Variants in CCDC102B observed in about 807,000 individuals in gnomAD.
The protein encoded by CCDC102B is coiled-coil domain-containing protein 102B.
A neutral mutation model predicts 57.4 loss-of-function variants in CCDC102B; 75 were observed. The observed-to-expected ratio is 1.31, with a 90% confidence interval of 1.08 to 1.58. CCDC102B has a LOEUF of 1.58. Ranked by LOEUF, CCDC102B falls within the 40% of genes most tolerant of loss-of-function variation. The pLI, the probability that CCDC102B is intolerant of heterozygous loss-of-function variation, is 0.00. For missense variants in CCDC102B, 636 were observed against 582.6 expected, an observed-to-expected ratio of 1.09 and a Z score of -0.94; for synonymous variants, 206 against 201.9, an observed-to-expected ratio of 1.02 and a Z score of -0.17.
chr18:68,886,326 T>A (rs2039882423), intron 5 of CCDC102B, among the ~76,000 whole-genome samples: 1 of 151,956 alleles, frequency 6.6e-6, no homozygotes, highest in Admixed American at 6.6e-5. Flanking sequence ...CACATTAAAA[T>A]AAGGGTGATG....
At chr18:68,854,091 G>GT (rs10604645) in intron 4 of CCDC102B, among the ~76,000 whole-genome samples, 17 of 148,940 alleles carry the variant, frequency 1.1e-4, no homozygotes, top group African/African-American at 4.0e-4. Context: ...ACTTTTTCTT[G>GT]TTTTTTTTTT....
chr18:68,752,714 A>G (rs983331490), intron 2 of CCDC102B, among the ~76,000 whole-genome samples: 3 of 152,282 alleles, frequency 2.0e-5, no homozygotes, highest in Admixed American at 6.5e-5. Context: ...CAGTATTCCA[A>G]ATTATGTGTA....
At chr18:68,837,441 G>A (rs1191186122) in intron 2 of CCDC102B, 72 bp downstream of exon 2, 2 of 1,427,218 alleles carry the variant, frequency 1.4e-6, no homozygotes, top group Non-Finnish European at 1.9e-6. Context: ...AGAAGGAAGT[G>A]ACAAATGCAA....
In CCDC102B at chr18:68,892,157, C is replaced by T. The variant is rs560742240; in HGVS notation, c.1054-5062C>T. On this transcript the variant is annotated intron_variant, in intron 5 of 7. Coordinates refer to ENST00000360242, the MANE Select transcript of CCDC102B (RefSeq NM_024781.3). ...CCCTTAATATCAACTTCTTGCTTTC[C>T]TCCTGTCCCTTTCCAGGAAGTTTCT... 2.0e-5 allele frequency among the ~76,000 whole-genome samples: 3 copies of T among 152,234 alleles called. No individual in the cohort carries two copies. In the East Asian group the frequency reaches 5.8e-4, roughly 29 times the overall value.
In CCDC102B at chr18:68,850,634, G is replaced by A. The variant is rs180693985; in HGVS notation, c.936+4213G>A. 1.9e-4 allele frequency among the ~76,000 whole-genome samples: 29 copies of A among 152,056 alleles called. No individual in the cohort carries two copies. In the East Asian group the frequency reaches 4.6e-3, roughly 24 times the overall value. On this transcript the variant is annotated intron_variant, in intron 4 of 7. Transcript: ENST00000360242. ...AGGGATGGATGTTTTGAGTGGAGAA[G>A]GTTTTCTCCTTGTACCATTCATCAT...
intron 6 of CCDC102B, among the ~76,000 whole-genome samples, chr18:68,989,975 G>A (rs1488350833): frequency 1.3e-5 from 2 of 152,118 alleles, no homozygotes; most frequent in Non-Finnish European, 2.9e-5. Context: ...TTTTGTTGTT[G>A]TAGTTTTTAA....
intron 4 of CCDC102B, among the ~76,000 whole-genome samples, chr18:68,864,240 C>T (rs2038880553): frequency 6.6e-6 from 1 of 151,996 alleles, no homozygotes; most frequent in South Asian, 2.1e-4. Context: ...ATTTGCTCTT[C>T]TGTTCCTTCT....
At chr18:68,765,038 C>A (rs1417856569) in intron 2 of CCDC102B, among the ~76,000 whole-genome samples, 2 of 49,680 alleles carry the variant, frequency 4.0e-5, no homozygotes, top group African/African-American at 7.3e-5. Context: ...CAGAGTGAAA[C>A]CCTCTCTTAA....
At chr18:68,927,223 T>G (rs2041502819) in intron 6 of CCDC102B, among the ~76,000 whole-genome samples, 1 of 151,994 alleles carries the variant, frequency 6.6e-6, no homozygotes, top group Non-Finnish European at 1.5e-5. Context: ...TCCAGAATTT[T>G]TTAAATTAAA....
rs750778846 is a variant in CCDC102B, at chr18:68,878,997, C to T, written c.1053+4212C>T. ...GTTCCTTCTGATGTTCGGATGTGTTCGGAGTTTCTTCCTTCTGGTGGGTTC... is the reference window on the plus strand; with the variant it reads ...GTTCCTTCTGATGTTCGGATGTGTTTGGAGTTTCTTCCTTCTGGTGGGTTC... On this transcript the variant is annotated intron_variant, in intron 5 of 7. Coordinates refer to ENST00000360242, the MANE Select transcript of CCDC102B (RefSeq NM_024781.3). Among the ~76,000 whole-genome samples, 127 of 152,116 alleles carry T rather than the reference C, an allele frequency of 8.3e-4. 1 individual carries two copies. The highest frequency in any genetic ancestry group is 4.1e-3 in the Admixed American group (63 of 15,280).
intron 2 of CCDC102B, among the ~76,000 whole-genome samples, chr18:68,776,697 A>T (rs896153280): frequency 6.6e-6 from 1 of 152,134 alleles, no homozygotes. Flanking sequence ...GATCAGGAAA[A>T]ATAACTAATG....
At position 68,840,958 on chromosome 18, in the gene CCDC102B, G is replaced by GA. The variant is rs533044472; in HGVS notation, c.827+2038dup. Among the ~76,000 whole-genome samples, 353 of 152,226 alleles carry GA rather than the reference G, an allele frequency of 2.3e-3. 1 individual carries two copies. Among genetic ancestry groups the GA allele is most frequent in the African/African-American group, 8.2e-3 (341 of 41,554 alleles). ...TCCATAGACAGGCCAAAGAATAAGA[G>GA]AAAAAAGGAAGCTTTCCATGGCTTT... is the stretch of plus-strand genomic sequence containing the variant. On this transcript the variant is annotated intron_variant, in intron 3 of 7. Coordinates refer to ENST00000360242, the MANE Select transcript of CCDC102B (RefSeq NM_024781.3).
intron 6 of CCDC102B, among the ~76,000 whole-genome samples, chr18:68,963,419 A>C (rs889059270): frequency 3.9e-5 from 6 of 151,980 alleles, no homozygotes; most frequent in Non-Finnish European, 7.4e-5. Context: ...TAAATGATAG[A>C]AAAACATAGA....
intron 7 of CCDC102B, among the ~76,000 whole-genome samples, chr18:69,043,526 T>G (rs962125173): frequency 1.3e-5 from 2 of 152,040 alleles, no homozygotes; most frequent in African/African-American, 4.8e-5. Context: ...GCGGCCTTCC[T>G]CAGTGTTTGT....
At chr18:69,041,367 C>T (rs185874080) in intron 7 of CCDC102B, among the ~76,000 whole-genome samples, 1 of 152,092 alleles carries the variant, frequency 6.6e-6, no homozygotes, top group East Asian at 1.9e-4. Flanking sequence ...GTATCTTGCA[C>T]TTATGGTTAA....
intron 6 of CCDC102B, among the ~76,000 whole-genome samples, chr18:69,008,623 G>A (rs2051416389): frequency 6.6e-6 from 1 of 152,114 alleles, no homozygotes; most frequent in Admixed American, 6.5e-5. Context: ...TAGGCATGGG[G>A]GGCGTTCTCT....
At chr18:68,975,195 A>G (rs572306170) in intron 6 of CCDC102B, among the ~76,000 whole-genome samples, 3 of 151,872 alleles carry the variant, frequency 2.0e-5, no homozygotes, top group Admixed American at 2.0e-4. Flanking sequence ...CATACTCTTA[A>G]TTTTTCAGGA....
chr18:68,725,886 G>C lies in CCDC102B; in HGVS notation c.-67+9292G>C, dbSNP rs118107573. Among the ~76,000 whole-genome samples, 9 of 152,328 alleles carry C rather than the reference G, an allele frequency of 5.9e-5. No homozygotes were observed. In the East Asian group the frequency reaches 1.7e-3, roughly 29 times the overall value. On this transcript the variant is annotated intron_variant, in intron 2 of 3. Transcript: ENST00000578970. Reference sequence around the variant, plus strand: ...AATAATGGATGAAGAAGGGTGATGTGAAGGACTGGGCCTCTTGACCAAATT... The same window carrying C: ...AATAATGGATGAAGAAGGGTGATGTCAAGGACTGGGCCTCTTGACCAAATT...
chr18:69,037,230 G>A (rs974947891), intron 7 of CCDC102B, among the ~76,000 whole-genome samples: 1 of 151,832 alleles, frequency 6.6e-6, no homozygotes, highest in Admixed American at 6.6e-5. Context: ...TGGATGTCGT[G>A]GATGTGTATA....
Sources: gnomAD v4.1 joint callset for allele counts (sites outside exome capture counted in the v4.1 genomes callset) on GRCh38, gnomAD v4.1.1 for gene constraint, MANE v1.5 for transcripts, NCBI Gene and HGNC (gene_info 2026-07-23, HGNC 2026-07-21) for gene names.